PARP16: variants seen among roughly 807,000 people sequenced by gnomAD.
PARP16 encodes the protein poly(ADP-ribose) polymerase family member 16.
PARP16 carries 31 observed loss-of-function variants against 35.0 expected under a neutral mutation model. That is an observed-to-expected ratio of 0.88 (90% CI 0.66 to 1.19). The LOEUF is 1.19. Among genes scored for constraint, PARP16 ranks in the 50% most tolerant of loss-of-function variants. PARP16 has a pLI of 0.00. For synonymous variants in PARP16, 162 were observed against 169.5 expected, an observed-to-expected ratio of 0.96 and a Z score of 0.34; for missense variants, 424 against 411.2, an observed-to-expected ratio of 1.03 and a Z score of -0.27.
chr15:65,251,923 C>T (rs1287802625), intron 2 of PARP16, among the ~76,000 whole-genome samples: 2 of 152,128 alleles, frequency 1.3e-5, no homozygotes, highest in Non-Finnish European at 2.9e-5. Flanking sequence ...CACCACCCCG[C>T]CCGGCTAATT....
chr15:65,271,393 C>A (rs145048870), intron 1 of PARP16, among the ~76,000 whole-genome samples: 32 of 152,210 alleles, frequency 2.1e-4, no homozygotes, highest in African/African-American at 6.7e-4. Context: ...CCCACCTCAG[C>A]CTCCCGAGTA....
At chr15:65,283,732 AGGTTAACACTGTTAACCTCTCCACG>A (rs1333546132) in intron 1 of PARP16, among the ~76,000 whole-genome samples, 1 of 152,142 alleles carries the variant, frequency 6.6e-6, no homozygotes, top group Non-Finnish European at 1.5e-5. Context: ...CTAGTATGAG[AGGTTAACACTGTTAACCTCTCCACG>A]GGTTAATCCT....
chr15:65,253,153 C>CA (rs373112805), downstream of PARP16, among the ~76,000 whole-genome samples: 198 of 93,468 alleles, frequency 2.1e-3, 1 homozygote, highest in Non-Finnish European at 3.2e-3. Context: ...AAAAACAAAA[C>CA]AAACAAAAAA....
chr15:65,249,275 A>G (rs369173671), intron 2 of PARP16, among the ~76,000 whole-genome samples: 12 of 152,202 alleles, frequency 7.9e-5, no homozygotes, highest in African/African-American at 2.9e-4. Flanking sequence ...ACGACTTCAG[A>G]TCTAGCTGGA....
Position 65,273,276 on chromosome 15 carries a change from C to CAAAAAAAAAAAAAAAAAAAAAAA in PARP16, c.175-2205_175-2204insTTTTTTTTTTTTTTTTTTTTTTT, listed in dbSNP as rs1233896826. ...CTGGTGACAGAGAGAGACTCTGTCT[C>CAAAAAAAAAAAAAAAAAAAAAAA]AAAAAAAAAAAAAAAAAAGAATACC... On this transcript the variant is annotated intron_variant, in intron 1 of 5. Coordinates refer to ENST00000649807, the MANE Select transcript of PARP16 (RefSeq NM_001316943.2). Among the ~76,000 whole-genome samples the CAAAAAAAAAAAAAAAAAAAAAAA allele has an allele frequency of 5.5e-3, 317 of 57,458 alleles. 25 individuals are homozygous for CAAAAAAAAAAAAAAAAAAAAAAA. The highest frequency in any genetic ancestry group is 9.5e-3 in the Non-Finnish European group (274 of 28,696). The allele number at this position is 57,458 out of a possible 152,430, so 37.7% of individuals were successfully genotyped here. A position where few individuals can be genotyped will look rare whatever the true frequency, so the allele number is the denominator to read the frequency against.
downstream of PARP16, among the ~76,000 whole-genome samples, chr15:65,257,163 T>C (rs1040542673): frequency 2.0e-4 from 30 of 152,048 alleles, no homozygotes; most frequent in Non-Finnish European, 7.4e-5. Flanking sequence ...ACACCTGTAA[T>C]CCCAGTACTT....
At chr15:65,248,554 A>G (rs2089273461) in intron 2 of PARP16, among the ~76,000 whole-genome samples, 1 of 152,216 alleles carries the variant, frequency 6.6e-6, no homozygotes, top group Admixed American at 6.5e-5. Flanking sequence ...GAACAGCTGC[A>G]ACCAGCAATG....
chr15:65,242,533 T>C (rs1229477708), intron 3 of PARP16, among the ~76,000 whole-genome samples: 2 of 152,232 alleles, frequency 1.3e-5, no homozygotes, highest in African/African-American at 4.8e-5. Context: ...TTATATCTTC[T>C]TTAATTGCTT....
rs766502675 is a variant in PARP16 at position 65,247,304 on chromosome 15, C to T, written c.*97+813G>A. 4.5e-4 allele frequency among the ~76,000 whole-genome samples: 69 copies of T among 152,264 alleles called. 1 individual carries two copies. Among genetic ancestry groups the T allele is most frequent in the Non-Finnish European group, 8.2e-4 (56 of 68,020 alleles). On this transcript the variant is annotated intron_variant and NMD_transcript_variant, in intron 3 of 3. Transcript: ENST00000559805. Reference sequence around the variant, plus strand: ...ACCGCCACACCTGGCCCATGCTCAACACTTTACACACATTATTTTATTTAA... The same window carrying T: ...ACCGCCACACCTGGCCCATGCTCAATACTTTACACACATTATTTTATTTAA...
At chr15:65,263,040 G>T in intron 4 of PARP16, 109 bp downstream of exon 4, 1 of 1,043,966 alleles carries the variant, frequency 9.6e-7, no homozygotes, top group East Asian at 2.6e-5. Flanking sequence ...CCTGGATCCA[G>T]CCCAACCCTT....
intron 3 of PARP16, among the ~76,000 whole-genome samples, chr15:65,243,549 T>C (rs11071832): frequency 0.22 from 34,176 of 152,132 alleles, 4,567 homozygotes; most frequent in Admixed American, 0.31. Context: ...CCATGCCTTC[T>C]TGGAATATCT....
chr15:65,235,361 T>C (rs2088849489), intron 3 of PARP16, among the ~76,000 whole-genome samples: 2 of 150,914 alleles, frequency 1.3e-5, no homozygotes, highest in African/African-American at 2.4e-5. Flanking sequence ...AGAGAATGAG[T>C]CAGGAGGAAG....
chr15:65,231,271 T>C (rs2088775906), downstream of PARP16, among the ~76,000 whole-genome samples: 1 of 152,162 alleles, frequency 6.6e-6, no homozygotes, highest in African/African-American at 2.4e-5. Flanking sequence ...ACTGAGGCAT[T>C]GAGTCCATTT....
At chr15:65,263,408 TTG>T in intron 3 of PARP16, 88 bp from the exon 4 acceptor site, 4 of 1,120,682 alleles carry the variant, frequency 3.6e-6, no homozygotes, top group Non-Finnish European at 5.1e-6. Flanking sequence ...TCTTCAAGAG[TTG>T]TAAACACAAA....
At chr15:65,240,584 A>T (rs1177244877) in intron 3 of PARP16, among the ~76,000 whole-genome samples, 1 of 151,778 alleles carries the variant, frequency 6.6e-6, no homozygotes, top group East Asian at 1.9e-4. Flanking sequence ...TTGTATCAGT[A>T]TTTTTTTTAT....
intron 1 of PARP16, among the ~76,000 whole-genome samples, chr15:65,280,748 CA>C (rs1056277876): frequency 6.6e-6 from 1 of 151,994 alleles, no homozygotes; most frequent in African/African-American, 2.4e-5. Flanking sequence ...CGCTTTAACC[CA>C]GACACTGGGG....
downstream of PARP16, among the ~76,000 whole-genome samples, chr15:65,231,657 A>C (rs185848774): frequency 7.0e-4 from 106 of 152,226 alleles, no homozygotes; most frequent in African/African-American, 2.3e-3. Flanking sequence ...CACGTTGGCC[A>C]GGCTGGTCTC....
chr15:65,257,211 G>A (rs1437978635), downstream of PARP16, among the ~76,000 whole-genome samples: 3 of 152,048 alleles, frequency 2.0e-5, no homozygotes, highest in Non-Finnish European at 4.4e-5. Flanking sequence ...GAGGTCAGGA[G>A]TTCATGACCA....
intron 1 of PARP16, among the ~76,000 whole-genome samples, chr15:65,278,520 A>G (rs2090324293): frequency 6.6e-6 from 1 of 152,200 alleles, no homozygotes; most frequent in South Asian, 2.1e-4. Flanking sequence ...CTCTTAGGAA[A>G]GAGGTACTTT....
Sources: allele counts gnomAD v4.1 joint callset (sites outside exome capture counted in the v4.1 genomes callset), GRCh38; gene constraint gnomAD v4.1.1; transcripts MANE v1.5; gene names NCBI Gene and HGNC (gene_info 2026-07-23, HGNC 2026-07-21).